PRDM15: variants seen among roughly 807,000 people sequenced by gnomAD.
PRDM15 encodes PR/SET domain 15.
PRDM15 carries 64 observed loss-of-function variants against 128.6 expected under a neutral mutation model. That is an observed-to-expected ratio of 0.50 (90% CI 0.41 to 0.61). The LOEUF is 0.61. Among genes scored for constraint, PRDM15 ranks in the 20% least tolerant of loss-of-function variants. The probability of loss-of-function intolerance (pLI) is 0.00; values close to 1 mark genes in which losing one functional copy is unlikely to be tolerated. For missense variants in PRDM15, 1,242 were observed against 1,569.1 expected (o/e 0.79, Z 3.52); for synonymous variants, 615 against 621.8 (o/e 0.99, Z 0.16).
chr21:41,837,560 T>C (rs1488787448), intron 8 of PRDM15, among the ~76,000 whole-genome samples: 1 of 152,084 alleles, frequency 6.6e-6, no homozygotes, highest in East Asian at 1.9e-4. Flanking sequence ...GGGTGCTTAG[T>C]GCGGACAGCG....
rs770130855 is a variant in PRDM15, at chr21:41,835,470, C to G, written c.1333G>C (p.Glu445Gln). 4 of 1,610,400 alleles carry G rather than the reference C, an allele frequency of 2.5e-6. No individual in the cohort carries two copies. The highest frequency in any genetic ancestry group is 2.2e-5 in the East Asian group (1 of 44,870). ...CAGTTGTGGAACTCCAGCGCGCTCTCGATGCGGAAGGTCTTCTCACAAGTG... is the reference window on the plus strand; with the variant it reads ...CAGTTGTGGAACTCCAGCGCGCTCTGGATGCGGAAGGTCTTCTCACAAGTG... ...CGTCEKTFRI[E>Q]SALEFHNCRT... The change falls in exon 11 of 24, where the codon GAG becomes CAG. Residue 445 changes from glutamate (E) to glutamine (Q), a missense_variant. By Grantham distance (29) the Glu-to-Gln change is conservative. Coordinates refer to ENST00000398548, the MANE Select transcript of PRDM15 (RefSeq NM_001040424.3).
At chr21:41,813,174 G>A (rs1045178728) in intron 19 of PRDM15, 1 of 152,208 alleles carries the variant, frequency 6.6e-6, no homozygotes, top group African/African-American at 2.4e-5. Context: ...AACAAGACAA[G>A]TAATTTTTAA....
In PRDM15 at chr21:41,801,603, C is replaced by T. The variant is rs147459914; in HGVS notation, c.3063G>A (p.Pro1021=). ...AAATQFTNLQ[P]VAVGHLTTPE... ...GGGTGGTAAGGTGCCCCACGGCCACCGGCTGGAGATTGGTAAACTGAGTCG... is the reference window on the plus strand; with the variant it reads ...GGGTGGTAAGGTGCCCCACGGCCACTGGCTGGAGATTGGTAAACTGAGTCG... Residue 1021 remains proline, a synonymous_variant, in exon 24 of 24, where the codon CCG becomes CCA. Coordinates refer to ENST00000398548, the MANE Select transcript of PRDM15 (RefSeq NM_001040424.3). 601 of 1,614,074 alleles carry T rather than the reference C, an allele frequency of 3.7e-4. No homozygotes were observed. The highest frequency in any genetic ancestry group is 4.7e-4 in the Non-Finnish European group (553 of 1,180,026).
At chr21:41,869,085 G>C (rs569033011) in intron 1 of PRDM15, among the ~76,000 whole-genome samples, 2 of 152,258 alleles carry the variant, frequency 1.3e-5, no homozygotes, top group South Asian at 4.1e-4. Flanking sequence ...CATGTAGTTT[G>C]CAAGTATTTT....
Position 41,835,444 on chromosome 21 carries a change from G to A in PRDM15, c.1359C>T (p.Cys453=). 1 of 1,608,278 alleles carries A rather than the reference G, an allele frequency of 6.2e-7. No homozygotes were observed. Among genetic ancestry groups the A allele is most frequent in the Non-Finnish European group, 8.5e-7 (1 of 1,179,332 alleles). Residue 453 remains cysteine (C), a synonymous_variant, in exon 11 of 24, where the codon TGC becomes TGT. Transcript: ENST00000398548. ...CGTGACCGGCGCCCTCACCTGTCCT[G>A]CAGTTGTGGAACTCCAGCGCGCTCT... ...RIESALEFHN[C]RTDDKTFQCE...
In PRDM15 at chr21:41,879,338, C is replaced by A; in HGVS notation, c.-78G>T. 1 of 1,099,840 alleles carries A rather than the reference C, an allele frequency of 9.1e-7. No homozygotes were observed. The highest frequency in any genetic ancestry group is 1.1e-6 in the Non-Finnish European group (1 of 894,352). The allele number at this position is 1,099,840 out of a possible 1,614,324, so 68.1% of individuals were successfully genotyped here. The stretch of plus-strand genomic sequence containing the variant: ...GTTGCGATCCGCTCCGGAAACTGCG[C>A]AGCACCGGAAGCCGGGGGGCGGCGG... On this transcript the variant is annotated 5_prime_UTR_variant, in exon 1 of 24. Transcript: ENST00000398548. This position sits in a 1 kb window ranked among gnomAD's most constrained non-coding sequence, Gnocchi z 5.1.
chr21:41,849,814 G>A (rs146707188), intron 5 of PRDM15, among the ~76,000 whole-genome samples: 2,861 of 152,128 alleles, frequency 0.019, 97 homozygotes, highest in African/African-American at 0.066. Flanking sequence ...GTACATGCCT[G>A]TAATCCCAGC....
intron 1 of PRDM15, among the ~76,000 whole-genome samples, chr21:41,868,861 T>C (rs1172257889): frequency 2.6e-5 from 4 of 151,978 alleles, no homozygotes; most frequent in Non-Finnish European, 5.9e-5. Context: ...AGCTAATTTT[T>C]GTATTTTTAG....
At chr21:41,805,705 C>T (rs2061538873) in intron 21 of PRDM15, among the ~76,000 whole-genome samples, 2 of 151,864 alleles carry the variant, frequency 1.3e-5, no homozygotes, top group Admixed American at 6.6e-5. Flanking sequence ...TCTACCGTCA[C>T]CACCATCACC....
At chr21:41,802,976 C>A in intron 22 of PRDM15, 55 bp from the exon 23 acceptor site, 7 of 1,444,220 alleles carry the variant, frequency 4.8e-6, no homozygotes, top group Non-Finnish European at 6.8e-6. Flanking sequence ...CGTCAGGCAG[C>A]GGCCAGGGCA....
At chr21:41,818,033 T>C (rs1318918297) in intron 18 of PRDM15, among the ~76,000 whole-genome samples, 2 of 152,202 alleles carry the variant, frequency 1.3e-5, no homozygotes, top group East Asian at 3.8e-4. Context: ...GGCTCCTCTC[T>C]GCCTGCCTAA....
chr21:41,871,757 G>GAGGAGCAGCAACC, intron 1 of PRDM15: 1 of 979,884 alleles, frequency 1.0e-6, no homozygotes, highest in Non-Finnish European at 1.5e-6. Flanking sequence ...CTCCTTCCTG[G>GAGGAGCAGCAACC]ATGGTTGCTG....
chr21:41,821,770 C>G lies in PRDM15; in HGVS notation c.1896+133G>C, dbSNP rs1440363539. On this transcript the variant is annotated intron_variant, in intron 15 of 23. Transcript: ENST00000398548. This position sits in a 1 kb window ranked among gnomAD's most constrained non-coding sequence, Gnocchi z 5.4. The stretch of plus-strand genomic sequence containing the variant: ...AGGCACCCAGTCTGCAGTAGGACCA[C>G]TGGCCGGAGCCTTTGGGGAGGGAGG... 2 of 1,127,822 alleles carry G rather than the reference C, an allele frequency of 1.8e-6. No homozygotes were observed. The highest frequency in any genetic ancestry group is 2.6e-6 in the Non-Finnish European group (2 of 778,470). 69.9% of individuals were successfully genotyped at this position (1,127,822 alleles called of 1,614,324 possible).
chr21:41,837,348 G>T (rs554572934), intron 8 of PRDM15, among the ~76,000 whole-genome samples: 30 of 152,288 alleles, frequency 2.0e-4, no homozygotes, highest in African/African-American at 6.5e-4. Flanking sequence ...CAAAATATGG[G>T]GCATATGCAT....
chr21:41,846,150 C>T (rs2146701250), intron 6 of PRDM15, among the ~76,000 whole-genome samples: 1 of 152,346 alleles, frequency 6.6e-6, no homozygotes, highest in African/African-American at 2.4e-5. Flanking sequence ...CTCACAACTG[C>T]ACTGCCTGGA....
chr21:41,816,129 C>T (rs1295112114), intron 18 of PRDM15, among the ~76,000 whole-genome samples: 1 of 152,248 alleles, frequency 6.6e-6, no homozygotes, highest in Non-Finnish European at 1.5e-5. Flanking sequence ...CCCTGCGTGC[C>T]CATGGCAACC....
chr21:41,860,356 T>C lies in PRDM15; in HGVS notation c.8A>G (p.Glu3Gly), dbSNP rs919855006. ...GAACATGATCTCTTCGCTCCCATCT[T>C]CAGCCATCTCTGACACCTGTCAGGA... Reference protein sequence around the residue: MAEDGSEEIMFIW... With the variant: MAGDGSEEIMFIW... Residue 3 changes from glutamate to glycine, a missense_variant, in exon 2 of 24, where the codon GAA becomes GGA. This residue lies in a region of PRDM15 where 612 missense variants were observed against 717.0 expected (regional missense o/e 0.85). Coordinates refer to ENST00000398548, the MANE Select transcript of PRDM15 (RefSeq NM_001040424.3). 3 of 1,613,942 alleles carry C rather than the reference T, an allele frequency of 1.9e-6. No homozygotes were observed. In the African/African-American group the frequency reaches 4.0e-5, roughly 22 times the overall value.
In PRDM15 at chr21:41,862,715, CAA is replaced by C. The variant is rs1879406880; in HGVS notation, c.-9-2345_-9-2344del. Among the ~76,000 whole-genome samples the C allele has an allele frequency of 6.6e-6, 1 of 152,174 alleles. No homozygotes were observed. The highest frequency in any genetic ancestry group is 2.4e-5 in the African/African-American group (1 of 41,420). On this transcript the variant is annotated intron_variant, in intron 1 of 23. Transcript: ENST00000398548. The surrounding 1 kb of genome is among the most constrained non-coding windows in gnomAD (Gnocchi z 4.1). ...TCAGGCCTGATAAACGGAGCATCTT[CAA>C]AGTCTTTGCTGTCTTGGCAAAACTC...
chr21:41,822,047 A>G lies in PRDM15; in HGVS notation c.1762-10T>C, dbSNP rs1196539984. The G allele has an allele frequency of 1.2e-6, 2 of 1,613,672 alleles. No individual in the cohort carries two copies. Among genetic ancestry groups the G allele is most frequent in the African/African-American group, 1.3e-5 (1 of 74,958 alleles). On this transcript the variant is annotated splice_polypyrimidine_tract_variant and intron_variant, in intron 14 of 23. Transcript: ENST00000398548. ...CCATCAACGCGATGTCCTGGAAAACAGCCACCACTTCCGGTTTCTAACAGC... is the reference window on the plus strand; with the variant it reads ...CCATCAACGCGATGTCCTGGAAAACGGCCACCACTTCCGGTTTCTAACAGC...
Sources: gnomAD v4.1 joint callset for allele counts (sites outside exome capture counted in the v4.1 genomes callset) on GRCh38, gnomAD v4.1.1 for gene constraint, gnomAD v4.1.1 regional missense constraint, Gnocchi (gnomAD v3.1) non-coding constraint, MANE v1.5 for transcripts, NCBI Gene and HGNC (gene_info 2026-07-23, HGNC 2026-07-21) for gene names.